Variants in SCARA3 observed in about 807,000 individuals in gnomAD.
The protein encoded by SCARA3 is cellular stress response gene protein.
A neutral mutation model predicts 47.0 loss-of-function variants in SCARA3; 39 were observed. That is an observed-to-expected ratio of 0.83 (90% CI 0.64 to 1.08). The LOEUF (loss-of-function observed/expected upper bound fraction) is 1.08, where lower values mean the gene tolerates loss of function less well. Ranked by LOEUF, SCARA3 falls within the 50% of genes least tolerant of loss-of-function variation. SCARA3 has a pLI of 0.00. For missense variants in SCARA3, 724 were observed against 792.3 expected, an observed-to-expected ratio of 0.91 and a Z score of 1.04; for synonymous variants, 356 against 334.1, an observed-to-expected ratio of 1.07 and a Z score of -0.71.
chr8:27,675,096 GC>G (rs537495216), downstream of SCARA3, among the ~76,000 whole-genome samples: 355 of 152,234 alleles, frequency 2.3e-3, no homozygotes, highest in African/African-American at 8.3e-3. Flanking sequence ...TCCTCTGAGT[GC>G]CTCTAAAAAC....
intron 1 of SCARA3, among the ~76,000 whole-genome samples, chr8:27,637,638 C>T (rs553562158): frequency 2.0e-4 from 31 of 151,952 alleles, no homozygotes; most frequent in Non-Finnish European, 3.7e-4. Flanking sequence ...CTCTTTGCCC[C>T]GAGAGACTTC....
At chr8:27,679,104 C>T (rs898237762), downstream of SCARA3, among the ~76,000 whole-genome samples, 4 of 151,968 alleles carry the variant, frequency 2.6e-5, no homozygotes, top group African/African-American at 7.3e-5. Context: ...ATTTTATTGT[C>T]GTTCTCCTCC....
chr8:27,650,159 A>ATT (rs71220602), intron 2 of SCARA3, among the ~76,000 whole-genome samples: 1 of 151,636 alleles, frequency 6.6e-6, no homozygotes, highest in Non-Finnish European at 1.5e-5. Flanking sequence ...TGCCTGGATA[A>ATT]TTTTTTTTAT....
intron 1 of SCARA3, among the ~76,000 whole-genome samples, chr8:27,646,085 C>T (rs1187169800): frequency 6.6e-6 from 1 of 152,168 alleles, no homozygotes; most frequent in Non-Finnish European, 1.5e-5. Flanking sequence ...GGGGTCCCCA[C>T]AGTCCGGGGC....
the SCARA3 span, among the ~76,000 whole-genome samples, chr8:27,726,442 T>C: frequency 6.6e-6 from 1 of 151,986 alleles, no homozygotes; most frequent in Non-Finnish European, 1.5e-5. Flanking sequence ...CTCATGCCTG[T>C]GATCCCAGCA....
chr8:27,679,956 T>C (rs1802333769), downstream of SCARA3: 1 of 151,628 alleles, frequency 6.6e-6, no homozygotes, highest in Non-Finnish European at 1.5e-5. Context: ...TTCTTAGCAA[T>C]TAAAGATAAA....
At chr8:27,681,091 A>G (rs1049273259), downstream of SCARA3, among the ~76,000 whole-genome samples, 5 of 152,234 alleles carry the variant, frequency 3.3e-5, no homozygotes, top group Non-Finnish European at 7.3e-5. Flanking sequence ...ACAAGGCAAG[A>G]GTATTGACTC....
chr8:27,683,392 T>G, the SCARA3 span, among the ~76,000 whole-genome samples: 1 of 152,178 alleles, frequency 6.6e-6, no homozygotes, highest in East Asian at 1.9e-4. Flanking sequence ...TTGTCAAGAC[T>G]TGCCAAATTA....
chr8:27,683,954 G>A, the SCARA3 span, among the ~76,000 whole-genome samples: 130 of 152,196 alleles, frequency 8.5e-4, no homozygotes, highest in African/African-American at 2.9e-3. Flanking sequence ...AAAGAGAATC[G>A]TATAGTATGA....
rs1449553107 is a variant in SCARA3 at position 27,671,314 on chromosome 8, G to C, written c.1784G>C (p.Gly595Ala). ...ATCCAGGGTCCCCCTGGTCTCCCGGGGCCTCCAGGTCCACCAGGAAGCCAG... is the reference window on the plus strand; with the variant it reads ...ATCCAGGGTCCCCCTGGTCTCCCGGCGCCTCCAGGTCCACCAGGAAGCCAG... ...PGIQGPPGLP[G>A]PPGPPGSQSF... Residue 595 changes from glycine to alanine, a missense_variant, in exon 6 of 6, where the codon GGG (glycine) becomes GCG (alanine). By Grantham distance (60) the Gly-to-Ala change is moderately conservative. Transcript: ENST00000301904. 7.0e-7 allele frequency: 1 copy of C among 1,430,862 alleles called. No homozygotes were observed. Among genetic ancestry groups the C allele is most frequent in the South Asian group, 1.5e-5 (1 of 65,174 alleles). 88.6% of individuals were successfully genotyped at this position (1,430,862 alleles called of 1,614,324 possible). A position where few individuals can be genotyped will look rare whatever the true frequency, so the allele number is the denominator to read the frequency against.
intron 3 of SCARA3, among the ~76,000 whole-genome samples, chr8:27,652,433 G>T (rs575834481): frequency 3.3e-5 from 5 of 152,268 alleles, no homozygotes; most frequent in African/African-American, 1.2e-4. Context: ...GCTCTGGTAG[G>T]CTTGTTTGTT....
At chr8:27,709,267 C>A in the SCARA3 span, among the ~76,000 whole-genome samples, 1 of 152,108 alleles carries the variant, frequency 6.6e-6, no homozygotes, top group Non-Finnish European at 1.5e-5. Context: ...TGAGAATTAC[C>A]TGAGGGATTT....
the SCARA3 span, among the ~76,000 whole-genome samples, chr8:27,687,526 G>T: frequency 4.6e-5 from 7 of 152,192 alleles, no homozygotes; most frequent in Non-Finnish European, 8.8e-5. Flanking sequence ...GAGAAAAAGG[G>T]AGGACAGAAG....
At chr8:27,642,431 C>T (rs970698738) in intron 1 of SCARA3, among the ~76,000 whole-genome samples, 5 of 152,164 alleles carry the variant, frequency 3.3e-5, no homozygotes, top group Non-Finnish European at 5.9e-5. Flanking sequence ...CCACCATTTA[C>T]GCATAAGGAA....
At chr8:27,705,903 G>A in the SCARA3 span, among the ~76,000 whole-genome samples, 27 of 152,264 alleles carry the variant, frequency 1.8e-4, no homozygotes, top group East Asian at 4.8e-3. Context: ...CTTGCAAAAA[G>A]AAAGAAAAAG....
At chr8:27,708,454 G>C in the SCARA3 span, among the ~76,000 whole-genome samples, 2 of 152,256 alleles carry the variant, frequency 1.3e-5, no homozygotes, top group South Asian at 4.1e-4. Flanking sequence ...ACTATATTGA[G>C]AGGATGGGGT....
the SCARA3 span, among the ~76,000 whole-genome samples, chr8:27,715,857 GATAGATACA>G: frequency 1.9e-5 from 2 of 107,294 alleles, no homozygotes; most frequent in South Asian, 3.1e-4. The surrounding 1 kb of genome is among the most constrained non-coding windows in gnomAD (Gnocchi z 4.2). Context: ...TAGATAGATA[GATAGATACA>G]TAGATAGATA....
chr8:27,717,349 C>T, the SCARA3 span, among the ~76,000 whole-genome samples: 5 of 152,092 alleles, frequency 3.3e-5, no homozygotes, highest in Admixed American at 2.0e-4. Flanking sequence ...AACATGAGAA[C>T]GACACCAACG....
chr8:27,702,003 G>A, the SCARA3 span: 4 of 152,232 alleles, frequency 2.6e-5, no homozygotes, highest in African/African-American at 9.7e-5. Context: ...GGTGGGTGAT[G>A]TATGCTCAGT....
Sources: gnomAD v4.1 joint callset for allele counts (sites outside exome capture counted in the v4.1 genomes callset) on GRCh38, gnomAD v4.1.1 for gene constraint, Gnocchi (gnomAD v3.1) non-coding constraint, MANE v1.5 for transcripts, NCBI Gene and HGNC (gene_info 2026-07-23, HGNC 2026-07-21) for gene names.